Variants in ADGRG4 observed in about 807,000 individuals in gnomAD.
ADGRG4 encodes G protein-coupled receptor 112.
In ADGRG4, 122 loss-of-function variants were observed where a neutral mutation model predicts 126.2. The observed-to-expected ratio is 0.97, with a 90% CI of 0.83 to 1.12. ADGRG4 has a LOEUF of 1.12. Ranked by LOEUF, ADGRG4 falls within the 50% of genes most tolerant of loss-of-function variation. ADGRG4 has a pLI of 0.00. For missense variants in ADGRG4, 2,481 were observed against 2,251.8 expected, an observed-to-expected ratio of 1.10 and a Z score of -2.06; for synonymous variants, 943 against 838.7, an observed-to-expected ratio of 1.12 and a Z score of -2.15.
intron 5 of ADGRG4, among the ~76,000 whole-genome samples, chrX:136,339,900 C>T (rs1429749314): frequency 8.9e-6 from 1 of 111,768 alleles, no homozygotes; most frequent in Non-Finnish European, 1.9e-5. Context: ...TAGGGTGCAA[C>T]AAAATGACAG....
At chrX:136,328,758 A>G (rs1361059564) in intron 5 of ADGRG4, among the ~76,000 whole-genome samples, 1 of 111,891 alleles carries the variant, frequency 8.9e-6, no homozygotes, top group Non-Finnish European at 1.9e-5. Context: ...TAATTCCTCT[A>G]TCCAATTATC....
intron 15 of ADGRG4, among the ~76,000 whole-genome samples, chrX:136,377,892 C>A (rs1286291872): frequency 9.3e-6 from 1 of 107,786 alleles, no homozygotes; most frequent in Non-Finnish European, 1.9e-5. Flanking sequence ...GTCTTGGTTC[C>A]TGAAGTGTTG....
At chrX:136,336,561 C>A (rs1038194696) in intron 5 of ADGRG4, among the ~76,000 whole-genome samples, 1 of 111,591 alleles carries the variant, frequency 9.0e-6, no homozygotes, top group Admixed American at 9.5e-5. Context: ...ACCATGTCTT[C>A]CTGGTGAAGC....
At position 136,359,464 on chromosome X, in the gene ADGRG4, T is replaced by C; in HGVS notation, c.7144+9T>C. 8.5e-7 allele frequency: 1 copy of C among 1,176,026 alleles called. No homozygotes were observed. ...TGCAGTGAAAAAACTAGGTAATTTT[T>C]TTGGGGGGTGGATATTGCAGTATGA... On this transcript the variant is annotated intron_variant, in intron 11 of 25. Coordinates refer to ENST00000394143, the MANE Select transcript of ADGRG4 (RefSeq NM_153834.4).
In ADGRG4 at chrX:136,348,023, G is replaced by GCATT; in HGVS notation, c.4320_4323dup (p.Leu1442PhefsTer3). The GCATT allele has an allele frequency of 8.3e-7, 1 of 1,210,607 alleles. No individual in the cohort carries two copies. On this transcript the variant is annotated frameshift_variant, in exon 6 of 26. Coordinates refer to ENST00000394143, the MANE Select transcript of ADGRG4 (RefSeq NM_153834.4). LOFTEE classifies it high-confidence loss of function. ...ACATCAATACAACTTTTTCACACTTGCATTCACTTAGGACACAACCTGAGG... is the reference window on the plus strand; with the variant it reads ...ACATCAATACAACTTTTTCACACTTGCATTCATTCACTTAGGACACAACCTGAGG...
At chrX:136,361,705 C>A in intron 12 of ADGRG4, 118 bp downstream of exon 12, 1 of 454,222 alleles carries the variant, frequency 2.2e-6, no homozygotes, top group Non-Finnish European at 3.4e-6. Flanking sequence ...TAGTGCCAGT[C>A]TTTCTTTCTA....
At chrX:136,314,086 C>T (rs2074790776) in intron 4 of ADGRG4, among the ~76,000 whole-genome samples, 1 of 110,225 alleles carries the variant, frequency 9.1e-6, no homozygotes, top group Non-Finnish European at 1.9e-5. Flanking sequence ...CTTTTCTTTT[C>T]TTCTCTCTCT....
intron 24 of ADGRG4, among the ~76,000 whole-genome samples, chrX:136,413,634 C>T (rs1276178268): frequency 8.9e-6 from 1 of 112,044 alleles, no homozygotes; most frequent in Non-Finnish European, 1.9e-5. Flanking sequence ...CTATACCACA[C>T]ATTACAGTAC....
intron 19 of ADGRG4, among the ~76,000 whole-genome samples, chrX:136,396,092 GCAGGATAAGTTGA>G (rs2075345410): frequency 9.1e-6 from 1 of 110,302 alleles, no homozygotes; most frequent in African/African-American, 3.3e-5. Context: ...AAGTATTTTT[GCAGGATAAGTTGA>G]CAGAAGTAGA....
At chrX:136,358,486 G>C (rs901482163) in intron 10 of ADGRG4, among the ~76,000 whole-genome samples, 1 of 112,141 alleles carries the variant, frequency 8.9e-6, no homozygotes. Context: ...TCTACAAATG[G>C]AAATGGAAAA....
intron 25 of ADGRG4, among the ~76,000 whole-genome samples, chrX:136,415,383 C>T (rs965111878): frequency 9.0e-6 from 1 of 111,383 alleles, no homozygotes; most frequent in Non-Finnish European, 1.9e-5. Flanking sequence ...CACATCACTT[C>T]TCTGCTTGGA....
chrX:136,358,487 A>G (rs2075108477), intron 10 of ADGRG4, among the ~76,000 whole-genome samples: 1 of 112,300 alleles, frequency 8.9e-6, no homozygotes. Flanking sequence ...CTACAAATGG[A>G]AATGGAAAAA....
At position 136,407,161 on chromosome X, in the gene ADGRG4, A is replaced by AT. The variant is rs753078260; in HGVS notation, c.8935+1198dup. Among the ~76,000 whole-genome samples, 143 of 108,352 alleles carry AT rather than the reference A, an allele frequency of 1.3e-3. 1 individual carries two copies. In the East Asian group the frequency reaches 0.032, roughly 24 times the overall value. 94.1% of individuals were successfully genotyped at this position (108,352 alleles called of 115,157 possible). A position where few individuals can be genotyped will look rare whatever the true frequency, so the allele number is the denominator to read the frequency against. ...AGAGTCTCCCTTCGTGCTCTCCACT[A>AT]TTTTTTTTTCATTCAATAAACCCTT... On this transcript the variant is annotated intron_variant, in intron 23 of 25. Transcript: ENST00000394143.
At chrX:136,319,926 C>T (rs187500276) in intron 4 of ADGRG4, among the ~76,000 whole-genome samples, 8 of 111,618 alleles carry the variant, frequency 7.2e-5, no homozygotes, top group Non-Finnish European at 1.5e-4. Flanking sequence ...GGAAGTAAAA[C>T]ATTTCCCTAA....
intron 19 of ADGRG4, among the ~76,000 whole-genome samples, chrX:136,395,937 A>G (rs753180859): frequency 1.8e-5 from 2 of 112,159 alleles, no homozygotes; most frequent in South Asian, 7.3e-4. Flanking sequence ...TTTTTAAAAT[A>G]CCTTTATAGT....
chrX:136,368,335 C>G (rs1415109493), intron 13 of ADGRG4, among the ~76,000 whole-genome samples: 1 of 112,052 alleles, frequency 8.9e-6, no homozygotes, highest in Admixed American at 9.5e-5. Context: ...CTCCAAAATG[C>G]CCACCGACTC....
chrX:136,301,551 G>T (rs2074700217), intron 1 of ADGRG4, among the ~76,000 whole-genome samples: 1 of 111,949 alleles, frequency 8.9e-6, no homozygotes, highest in South Asian at 3.7e-4. Context: ...TGTTTACTCT[G>T]ATGGTAGTTT....
Position 136,359,493 on chromosome X carries a change from T to TA in ADGRG4, c.7144+39dup, listed in dbSNP as rs775226121. The TA allele has an allele frequency of 4.4e-4, 448 of 1,021,205 alleles. 2 individuals carry two copies. Among genetic ancestry groups the TA allele is most frequent in the Admixed American group, 2.7e-4 (10 of 36,868 alleles). The allele number at this position is 1,021,205 out of a possible 1,213,427, so 84.2% of individuals were successfully genotyped here. ...GGGGGTGGATATTGCAGTATGAACT[T>TA]ACTTCCTTTATTATAAAACTCATAA... is the stretch of plus-strand genomic sequence containing the variant. On this transcript the variant is annotated intron_variant, in intron 11 of 25. Transcript: ENST00000394143.
At chrX:136,401,050 C>T (rs182585556) in intron 21 of ADGRG4, among the ~76,000 whole-genome samples, 2 of 111,938 alleles carry the variant, frequency 1.8e-5, no homozygotes, top group East Asian at 2.8e-4. Context: ...AGCTACTCAT[C>T]CCTTTAATGA....
Sources: allele counts gnomAD v4.1 joint callset (sites outside exome capture counted in the v4.1 genomes callset), GRCh38; gene constraint gnomAD v4.1.1; transcripts MANE v1.5; gene names NCBI Gene and HGNC (gene_info 2026-07-23, HGNC 2026-07-21).